NOS1: variants seen among roughly 807,000 people sequenced by gnomAD.
NOS1 encodes nitric oxide synthase 1.
Under a neutral mutation model 164.5 loss-of-function variants are expected in NOS1, and 51 were observed. The observed-to-expected ratio is 0.31, with a 90% CI of 0.25 to 0.39. NOS1 has a LOEUF of 0.39. NOS1 is among the 10% of genes least tolerant of loss of function. The pLI is 1.00. For missense variants in NOS1, 1,362 were observed against 1,885.6 expected (o/e 0.72, Z 5.14); for synonymous variants, 719 against 745.8 (o/e 0.96, Z 0.59).
At chr12:117,237,524 T>C (rs1334462335) in intron 20 of NOS1, among the ~76,000 whole-genome samples, 1 of 151,974 alleles carries the variant, frequency 6.6e-6, no homozygotes, top group African/African-American at 2.4e-5. Context: ...CAGCAGCCAT[T>C]TGGGCCCTAT....
At chr12:117,247,993 T>C (rs1229191747) in intron 17 of NOS1, among the ~76,000 whole-genome samples, 1 of 147,932 alleles carries the variant, frequency 6.8e-6, no homozygotes, top group Non-Finnish European at 1.5e-5. Flanking sequence ...GACACCAGAG[T>C]GCTCTCTCTC....
At chr12:117,240,071 A>T (rs1223307619) in intron 20 of NOS1, among the ~76,000 whole-genome samples, 1 of 152,158 alleles carries the variant, frequency 6.6e-6, no homozygotes, top group Non-Finnish European at 1.5e-5. Context: ...TAAATTCTGT[A>T]AGCTGGTCTT....
intron 2 of NOS1, among the ~76,000 whole-genome samples, chr12:117,313,975 C>A (rs1352169114): frequency 6.6e-6 from 1 of 152,080 alleles, no homozygotes. Flanking sequence ...TTAGGGGACT[C>A]CCCCATCCCC....
At position 117,215,185 on chromosome 12, in the gene NOS1, G is replaced by A; in HGVS notation, c.*124C>T. The A allele has an allele frequency of 2.2e-6, 3 of 1,338,306 alleles. No individual in the cohort carries two copies. The highest frequency in any genetic ancestry group is 2.9e-6 in the Non-Finnish European group (3 of 1,034,588). The allele number at this position is 1,338,306 out of a possible 1,614,324, so 82.9% of individuals were successfully genotyped here. A position where few individuals can be genotyped will look rare whatever the true frequency, so the allele number is the denominator to read the frequency against. On this transcript the variant is annotated 3_prime_UTR_variant, in exon 29 of 29. Transcript: ENST00000317775. ...CTGAGGGGCGAGAAGCCCGAGGAGG[G>A]AAACCAGGGCACAGCGACAAGGACA...
chr12:117,255,843 T>G, intron 16 of NOS1: 1 of 710,740 alleles, frequency 1.4e-6, no homozygotes, highest in Non-Finnish European at 2.1e-6. Context: ...TCGGATCTCC[T>G]TGAGACCTAG....
In NOS1 at chr12:117,210,366, CTAGT is replaced by C. The variant is rs1339545451; in HGVS notation, c.*4939_*4942del. 1 of 985,150 alleles carries C rather than the reference CTAGT, an allele frequency of 1.0e-6. No individual in the cohort carries two copies. Among genetic ancestry groups the C allele is most frequent in the African/African-American group, 1.7e-5 (1 of 57,166 alleles). 61.0% of individuals were successfully genotyped at this position (985,150 alleles called of 1,614,324 possible). ...AGTATGAATGGGTTATAAAGGAAGA[CTAGT>C]TAGTGTTTCTCTCTCCTTGTTGCTT... On this transcript the variant is annotated 3_prime_UTR_variant, in exon 29 of 29. Transcript: ENST00000317775.
intron 20 of NOS1, among the ~76,000 whole-genome samples, chr12:117,238,501 T>C (rs1869904886): frequency 6.8e-6 from 1 of 146,218 alleles, no homozygotes; most frequent in Non-Finnish European, 1.5e-5. Context: ...CAGAGAGCTA[T>C]TGTTTCTTTT....
At position 117,214,485 on chromosome 12, in the gene NOS1, G is replaced by A. The variant is rs1159016825; in HGVS notation, c.*824C>T. The A allele has an allele frequency of 1.0e-6, 1 of 985,034 alleles. No homozygotes were observed. The highest frequency in any genetic ancestry group is 1.2e-6 in the Non-Finnish European group (1 of 829,844). The allele number at this position is 985,034 out of a possible 1,614,324, so 61.0% of individuals were successfully genotyped here. ...TCTAGCTGGTATGGGTGGGTTTGGG[G>A]AGGGGATTTGCACAATCCATTGGAT... is the stretch of plus-strand genomic sequence containing the variant. On this transcript the variant is annotated 3_prime_UTR_variant, in exon 29 of 29. Transcript: ENST00000317775.
intron 1 of NOS1, among the ~76,000 whole-genome samples, chr12:117,346,568 G>C (rs564313170): frequency 6.6e-6 from 1 of 152,292 alleles, no homozygotes; most frequent in South Asian, 2.1e-4. Flanking sequence ...CGATGAACAT[G>C]GTCTAATGCT....
In NOS1 at chr12:117,215,005, G is replaced by T; in HGVS notation, c.*304C>A. 1 of 1,153,814 alleles carries T rather than the reference G, an allele frequency of 8.7e-7. No homozygotes were observed. Among genetic ancestry groups the T allele is most frequent in the East Asian group, 4.1e-5 (1 of 24,606 alleles). The allele number at this position is 1,153,814 out of a possible 1,614,324, so 71.5% of individuals were successfully genotyped here. On this transcript the variant is annotated 3_prime_UTR_variant, in exon 29 of 29. Transcript: ENST00000317775. ...CAGAGAAAAAAACCCCCACAGCGACGGCCATGTTCCAGTGGTTTCATGCAC... is the reference window on the plus strand; with the variant it reads ...CAGAGAAAAAAACCCCCACAGCGACTGCCATGTTCCAGTGGTTTCATGCAC...
intron 16 of NOS1, 63 bp downstream of exon 16, chr12:117,258,334 C>T: frequency 6.4e-7 from 1 of 1,560,486 alleles, no homozygotes; most frequent in Non-Finnish European, 8.8e-7. Flanking sequence ...CCCCAGGTGC[C>T]AAAAGTCAAT....
chr12:117,251,917 G>A (rs941948222), intron 17 of NOS1, among the ~76,000 whole-genome samples: 1 of 151,844 alleles, frequency 6.6e-6, no homozygotes, highest in African/African-American at 2.4e-5. Context: ...ATTTTTGGTG[G>A]AAACAGGGTT....
chr12:117,324,314 C>A (rs2136068196), intron 2 of NOS1, among the ~76,000 whole-genome samples: 1 of 152,284 alleles, frequency 6.6e-6, no homozygotes, highest in South Asian at 2.1e-4. Context: ...GTTATCAGAG[C>A]AGGGCGAGGC....
chr12:117,260,126 AAAAAAAAC>A (rs1010635494), intron 14 of NOS1, among the ~76,000 whole-genome samples: 8 of 141,934 alleles, frequency 5.6e-5, no homozygotes, highest in Non-Finnish European at 1.2e-4. Context: ...CTCAAAAAAA[AAAAAAAAC>A]AAAAAACAAA....
chr12:117,314,419 G>A (rs967233190), intron 2 of NOS1, among the ~76,000 whole-genome samples: 51 of 152,154 alleles, frequency 3.4e-4, no homozygotes, highest in Admixed American at 2.8e-3. Flanking sequence ...TGCATTTGGA[G>A]CCTCTATAAT....
At chr12:117,273,512 T>C (rs945914825) in intron 9 of NOS1, among the ~76,000 whole-genome samples, 2 of 152,100 alleles carry the variant, frequency 1.3e-5, no homozygotes, top group Non-Finnish European at 2.9e-5. Flanking sequence ...GTAGCTGTGG[T>C]TTTGCAATTA....
chr12:117,337,107 T>C (rs1162370653), intron 1 of NOS1, among the ~76,000 whole-genome samples: 4 of 57,410 alleles, frequency 7.0e-5, no homozygotes, highest in African/African-American at 2.0e-4. Context: ...CTTTTTACTC[T>C]TTTTTTTTTT....
Position 117,243,662 on chromosome 12 carries a change from A to G in NOS1, c.2824-227T>C, listed in dbSNP as rs1423908987. ...TCTACCCTTTCGTTGTCTTCCTTCC[A>G]TCCATTCACCCATCCACTCATCTAC... On this transcript the variant is annotated intron_variant, in intron 18 of 28. Transcript: ENST00000317775. The surrounding 1 kb of genome is among the most constrained non-coding windows in gnomAD (Gnocchi z 4.3). Among the ~76,000 whole-genome samples, 3 of 145,724 alleles carry G rather than the reference A, an allele frequency of 2.1e-5. No individual in the cohort carries two copies. The highest frequency in any genetic ancestry group is 7.7e-5 in the African/African-American group (3 of 38,964).
Position 117,264,484 on chromosome 12 carries a change from T to G in NOS1, c.2137-510A>C, listed in dbSNP as rs947966220. Among the ~76,000 whole-genome samples, 4 of 150,778 alleles carry G rather than the reference T, an allele frequency of 2.7e-5. No individual in the cohort carries two copies. In the South Asian group the frequency reaches 8.4e-4, roughly 32 times the overall value. The stretch of plus-strand genomic sequence containing the variant: ...TCTTTATTTTCTTTCTTTCTTTCCT[T>G]TCTTTCTCTTTCTTTCTCTCTCTCT... On this transcript the variant is annotated intron_variant, in intron 12 of 28. Coordinates refer to ENST00000317775, the MANE Select transcript of NOS1 (RefSeq NM_000620.5).
Sources: allele counts gnomAD v4.1 joint callset (sites outside exome capture counted in the v4.1 genomes callset), GRCh38; gene constraint gnomAD v4.1.1; non-coding constraint Gnocchi (gnomAD v3.1); transcripts MANE v1.5; gene names NCBI Gene and HGNC (gene_info 2026-07-23, HGNC 2026-07-21).